MIER2: variants seen among roughly 807,000 people sequenced by gnomAD.
The protein encoded by MIER2 is mesoderm induction early response protein 2.
In MIER2, 30 loss-of-function variants were observed where a neutral mutation model predicts 67.6. That is an observed-to-expected ratio of 0.44 (90% CI 0.33 to 0.60). MIER2 has a LOEUF of 0.60. Among genes scored for constraint, MIER2 ranks in the 20% least tolerant of loss-of-function variants. MIER2 has a pLI of 0.02. For synonymous variants in MIER2, 372 were observed against 312.6 expected (o/e 1.19, Z -2.00); for missense variants, 702 against 745.1 (o/e 0.94, Z 0.67).
Position 344,770 on chromosome 19 carries a change from T to C in MIER2, c.9+4A>G. 8.4e-7 allele frequency: 1 copy of C among 1,189,186 alleles called. No individual in the cohort carries two copies. The highest frequency in any genetic ancestry group is 1.0e-6 in the Non-Finnish European group (1 of 960,598). The allele number at this position is 1,189,186 out of a possible 1,614,324, so 73.7% of individuals were successfully genotyped here. On this transcript the variant is annotated splice_donor_region_variant and intron_variant, in intron 1 of 13. Coordinates refer to ENST00000264819, the MANE Select transcript of MIER2 (RefSeq NM_017550.3). ...GGGCCGGCTCCCCCGGCCCGCTCAC[T>C]CACCTCCGCCATGGCCGTGTGTGCG...
chr19:308,437 C>T lies in MIER2; in HGVS notation c.1198+140G>A, dbSNP rs1227197208. 1 of 852,570 alleles carries T rather than the reference C, an allele frequency of 1.2e-6. No homozygotes were observed. Among genetic ancestry groups the T allele is most frequent in the African/African-American group, 1.7e-5 (1 of 58,782 alleles). The allele number at this position is 852,570 out of a possible 1,614,324, so 52.8% of individuals were successfully genotyped here. A position where few individuals can be genotyped will look rare whatever the true frequency, so the allele number is the denominator to read the frequency against. On this transcript the variant is annotated intron_variant, in intron 12 of 13. Coordinates refer to ENST00000264819, the MANE Select transcript of MIER2 (RefSeq NM_017550.3). This position sits in a 1 kb window ranked among gnomAD's most constrained non-coding sequence, Gnocchi z 9.1. ...AGCGGCATCCACATCACGTGGCTGC[C>T]CTCCGCCACCCAGACGCCCACTCCT...
chr19:341,595 G>A (rs1226217064), intron 1 of MIER2, among the ~76,000 whole-genome samples: 1 of 152,064 alleles, frequency 6.6e-6, no homozygotes, highest in African/African-American at 2.4e-5. Context: ...TGGTGTCCAG[G>A]TGCAAGTCTA....
chr19:328,014 C>T (rs767443981), intron 3 of MIER2, 25 bp from the exon 4 acceptor site: 1 of 1,611,696 alleles, frequency 6.2e-7, no homozygotes, highest in South Asian at 1.1e-5. Context: ...GGAACAAGGC[C>T]CCATCAGGAG....
intron 7 of MIER2, among the ~76,000 whole-genome samples, chr19:318,669 G>T (rs930649484): frequency 1.3e-5 from 2 of 152,168 alleles, no homozygotes; most frequent in Non-Finnish European, 2.9e-5. Context: ...TACCAAAACA[G>T]ATCAAATAAT....
In MIER2 at chr19:325,667, C is replaced by T. The variant is rs751544422; in HGVS notation, c.623G>A (p.Ser208Asn). The part of the protein sequence containing the change: ...MVGPQFQADL[S>N]NLHLNRHCEK... ...ACAGTGCCGGTTCAAGTGCAGGTTG[C>T]TGAGGTCAGCTTGGAACTGAGGTCC... Residue 208 changes from serine (S) to asparagine (N), a missense_variant, in exon 7 of 14, where the codon AGC (serine) becomes AAC (asparagine). Coordinates refer to ENST00000264819, the MANE Select transcript of MIER2 (RefSeq NM_017550.3). The T allele has an allele frequency of 6.2e-7, 1 of 1,614,196 alleles. No homozygotes were observed. Among genetic ancestry groups the T allele is most frequent in the South Asian group, 1.1e-5 (1 of 91,090 alleles).
At chr19:311,789 T>C (rs1053196471) in intron 10 of MIER2, 56 bp downstream of exon 10, 9 of 1,574,000 alleles carry the variant, frequency 5.7e-6, no homozygotes, top group Non-Finnish European at 7.0e-6. Flanking sequence ...CTGCGGACCC[T>C]GAGCCCCTCC....
intron 7 of MIER2, among the ~76,000 whole-genome samples, chr19:319,055 C>CA (rs71171975): frequency 0.65 from 83,776 of 129,540 alleles, 26,860 homozygotes; most frequent in South Asian, 0.73. Flanking sequence ...GACTCTGTCT[C>CA]AAAAAAAAAA....
chr19:307,044 TC>T (rs1970681361), intron 13 of MIER2, 74 bp downstream of exon 13: 1 of 1,479,608 alleles, frequency 6.8e-7, no homozygotes, highest in Non-Finnish European at 9.0e-7. Flanking sequence ...CCTCCCACCC[TC>T]CTCTGCTCAG....
intron 7 of MIER2, among the ~76,000 whole-genome samples, chr19:322,813 C>T (rs771006339): frequency 1.3e-4 from 20 of 152,204 alleles, no homozygotes; most frequent in Non-Finnish European, 2.2e-4. Context: ...CCACTAACGA[C>T]GCACACGAGG....
At chr19:329,975 A>ATGCACCTGC (rs2145495504) in intron 3 of MIER2, among the ~76,000 whole-genome samples, 1 of 152,208 alleles carries the variant, frequency 6.6e-6, no homozygotes, top group South Asian at 2.1e-4. Flanking sequence ...AGCATGCAGA[A>ATGCACCTGC]TGCACCTGCT....
In MIER2 at chr19:329,020, C is replaced by T. The variant is rs114572757; in HGVS notation, c.244-1031G>A. Among the ~76,000 whole-genome samples, 494 of 152,286 alleles carry T rather than the reference C, an allele frequency of 3.2e-3. 1 individual carries two copies. Among genetic ancestry groups the T allele is most frequent in the African/African-American group, 0.011 (466 of 41,558 alleles). On this transcript the variant is annotated intron_variant, in intron 3 of 13. Coordinates refer to ENST00000264819, the MANE Select transcript of MIER2 (RefSeq NM_017550.3). ...GCTGCTTTCAAATCCTTCTGTCCTC[C>T]CTTGTGTGAGCCTCTATTCCACAGA...
At chr19:311,350 C>T (rs555213381) in intron 10 of MIER2, among the ~76,000 whole-genome samples, 3 of 152,204 alleles carry the variant, frequency 2.0e-5, no homozygotes, top group South Asian at 2.1e-4. Context: ...CCACAGAGGA[C>T]GTGGGGAAGG....
intron 7 of MIER2, among the ~76,000 whole-genome samples, chr19:322,587 C>A (rs1308123823): frequency 6.6e-6 from 1 of 152,124 alleles, no homozygotes; most frequent in Non-Finnish European, 1.5e-5. Flanking sequence ...GCGAAAGGTG[C>A]TCACCAGGGA....
Position 313,546 on chromosome 19 carries a change from G to T in MIER2, c.753C>A (p.His251Gln), listed in dbSNP as rs530046998. The T allele has an allele frequency of 2.5e-6, 4 of 1,613,146 alleles. No individual in the cohort carries two copies. The highest frequency in any genetic ancestry group is 3.4e-6 in the Non-Finnish European group (4 of 1,179,940). The change falls in exon 8 of 14, where the codon CAC becomes CAA. Residue 251 changes from histidine to glutamine, a missense_variant. Transcript: ENST00000264819. ...CTGGGAGCTGAGGCCCGGCCATCTC[G>T]TGCCAACGCCGCTTCACCGCCCTGT... is the stretch of plus-strand genomic sequence containing the variant. The part of the protein sequence containing the change: ...FLYRAVKRRW[H>Q]EMAGPQLPEG...
chr19:318,065 A>G (rs1971337457), intron 7 of MIER2, among the ~76,000 whole-genome samples: 1 of 152,018 alleles, frequency 6.6e-6, no homozygotes, highest in African/African-American at 2.4e-5. Context: ...TTAGCTGGGC[A>G]TGGTGGCGGA....
At chr19:343,807 TAC>T (rs1972613396) in intron 1 of MIER2, 1 of 982,300 alleles carries the variant, frequency 1.0e-6, no homozygotes, top group African/African-American at 1.7e-5. Flanking sequence ...CACCTTCACC[TAC>T]ATTATCTCTT....
chr19:343,128 C>G (rs1003385987), intron 1 of MIER2, among the ~76,000 whole-genome samples: 2 of 152,280 alleles, frequency 1.3e-5, no homozygotes. Flanking sequence ...AGGGCACCAC[C>G]CCAAAGTGTA....
At position 311,873 on chromosome 19, in the gene MIER2, T is replaced by C; in HGVS notation, c.956A>G (p.Lys319Arg). The change falls in exon 10 of 14, where the codon AAG (lysine) becomes AGG (arginine). Residue 319 changes from lysine (K) to arginine (R), a missense_variant. Transcript: ENST00000264819. ...GTTGGCCTGGATCAGGTGAAAGTTC[T>C]TTCCATGCACACGGAAGCCGTGCTC... ...NFEHGFRVHG[K>R]NFHLIQANKV... 1 of 1,614,084 alleles carries C rather than the reference T, an allele frequency of 6.2e-7. No individual in the cohort carries two copies. Among genetic ancestry groups the C allele is most frequent in the Non-Finnish European group, 8.5e-7 (1 of 1,179,962 alleles).
chr19:307,466 G>A lies in MIER2; in HGVS notation c.1269C>T (p.Ser423=). 1.3e-6 allele frequency: 2 copies of A among 1,560,322 alleles called. No homozygotes were observed. Among genetic ancestry groups the A allele is most frequent in the African/African-American group, 1.4e-5 (1 of 73,864 alleles). The change falls in exon 13 of 14, where the codon TCC becomes TCT. Residue 423 remains serine, a synonymous_variant. Coordinates refer to ENST00000264819, the MANE Select transcript of MIER2 (RefSeq NM_017550.3). ...EPGVASDGLP[S]SEPGPCSFQQ... ...GGAAGGAACACGGCCCTGGCTCCGA[G>A]GACGGGAGTCCATCAGAGGCCACTC...
Sources: gnomAD v4.1 joint callset for allele counts (sites outside exome capture counted in the v4.1 genomes callset) on GRCh38, gnomAD v4.1.1 for gene constraint, Gnocchi (gnomAD v3.1) non-coding constraint, MANE v1.5 for transcripts, NCBI Gene and HGNC (gene_info 2026-07-23, HGNC 2026-07-21) for gene names.